MYT1L: variants seen among roughly 807,000 people sequenced by gnomAD.
The protein encoded by MYT1L is myelin transcription factor 1-like protein.
MYT1L carries 12 observed loss-of-function variants against 126.7 expected under a neutral mutation model. That is an observed-to-expected ratio of 0.09 (90% confidence interval 0.06 to 0.15). MYT1L has a LOEUF of 0.15. Ranked by LOEUF, MYT1L falls within the 10% of genes least tolerant of loss-of-function variation. MYT1L has a pLI of 1.00. For synonymous variants in MYT1L, 541 were observed against 604.2 expected (o/e 0.90, Z 1.53); for missense variants, 979 against 1,585.2 (o/e 0.62, Z 6.49).
chr2:2,033,486 G>A (rs1448799876), intron 4 of MYT1L, among the ~76,000 whole-genome samples: 1 of 152,214 alleles, frequency 6.6e-6, no homozygotes, highest in African/African-American at 2.4e-5. Context: ...CAACGAGGCA[G>A]AACTCAGGAT....
intron 19 of MYT1L, among the ~76,000 whole-genome samples, chr2:1,843,359 A>G (rs1203609919): frequency 6.6e-6 from 1 of 152,186 alleles, no homozygotes; most frequent in Non-Finnish European, 1.5e-5. Flanking sequence ...GGGTCATTCA[A>G]TGCATGAATG....
chr2:2,089,525 G>A (rs952637764), intron 3 of MYT1L, among the ~76,000 whole-genome samples: 4 of 152,200 alleles, frequency 2.6e-5, no homozygotes, highest in Non-Finnish European at 5.9e-5. Flanking sequence ...GATCTAGAGA[G>A]GACTTGGAAA....
chr2:2,230,578 C>T (rs902045199), intron 2 of MYT1L, among the ~76,000 whole-genome samples: 2 of 152,166 alleles, frequency 1.3e-5, no homozygotes, highest in Non-Finnish European at 2.9e-5. Flanking sequence ...AAGCTGCATG[C>T]CTGCAAGGTG....
intron 2 of MYT1L, among the ~76,000 whole-genome samples, chr2:2,263,065 A>G (rs1027386899): frequency 1.3e-5 from 2 of 150,284 alleles, no homozygotes; most frequent in Non-Finnish European, 3.0e-5. Context: ...CAAAATTTCC[A>G]GATATAAAAC....
chr2:1,796,535 T>C (rs1209318924), intron 23 of MYT1L, among the ~76,000 whole-genome samples: 1 of 152,216 alleles, frequency 6.6e-6, no homozygotes, highest in Non-Finnish European at 1.5e-5. Flanking sequence ...CTGTTCACTC[T>C]GGTCCATCTG....
chr2:2,223,949 A>G (rs975672163), intron 2 of MYT1L, among the ~76,000 whole-genome samples: 1 of 152,158 alleles, frequency 6.6e-6, no homozygotes, highest in Non-Finnish European at 1.5e-5. Flanking sequence ...GGAAACGCAA[A>G]TTCAAACTGC....
At chr2:2,223,588 T>C (rs1395823437) in intron 2 of MYT1L, among the ~76,000 whole-genome samples, 1 of 152,198 alleles carries the variant, frequency 6.6e-6, no homozygotes, top group African/African-American at 2.4e-5. Context: ...TGCAGGGAAA[T>C]TTAATTTTTG....
intron 3 of MYT1L, among the ~76,000 whole-genome samples, chr2:2,101,132 T>G (rs2078017553): frequency 6.6e-6 from 1 of 152,214 alleles, no homozygotes; most frequent in African/African-American, 2.4e-5. Flanking sequence ...TAAATTTGAT[T>G]GATTTTTATA....
At chr2:2,124,828 A>G (rs2081481313) in intron 3 of MYT1L, among the ~76,000 whole-genome samples, 1 of 152,158 alleles carries the variant, frequency 6.6e-6, no homozygotes, top group Admixed American at 6.5e-5. Flanking sequence ...AGGCACAGAC[A>G]TGTCCACCTG....
intron 3 of MYT1L, among the ~76,000 whole-genome samples, chr2:2,060,685 CCCT>C (rs1162222581): frequency 7.8e-6 from 1 of 127,546 alleles, no homozygotes; most frequent in Non-Finnish European, 1.6e-5. Flanking sequence ...CCCTCCCCTC[CCCT>C]CCTCTCTGCC....
chr2:2,274,390 G>A (rs2095321190), intron 2 of MYT1L, among the ~76,000 whole-genome samples: 2 of 152,020 alleles, frequency 1.3e-5, no homozygotes, highest in African/African-American at 2.4e-5. Context: ...GAGGACAGTG[G>A]GCAGGTGGGT....
At chr2:1,903,433 T>A (rs2148961525) in intron 13 of MYT1L, 139 bp from the exon 14 acceptor site, 1 of 685,284 alleles carries the variant, frequency 1.5e-6, no homozygotes, top group Non-Finnish European at 2.4e-6. Context: ...TACAACTTTT[T>A]TATTTTCTGA....
rs1260849009 is a variant in MYT1L, at chr2:1,852,334, G to A, written c.2712-631C>T. The stretch of plus-strand genomic sequence containing the variant: ...AATAGTTGTTACTCTTGAGCGACAT[G>A]AAGAACATAAATCAGTTCAGATCCA... On this transcript the variant is annotated intron_variant, in intron 18 of 24. Transcript: ENST00000647738. The surrounding 1 kb of genome is among the most constrained non-coding windows in gnomAD (Gnocchi z 4.0). Among the ~76,000 whole-genome samples, 1 of 152,208 alleles carries A rather than the reference G, an allele frequency of 6.6e-6. No individual in the cohort carries two copies. Among genetic ancestry groups the A allele is most frequent in the Non-Finnish European group, 1.5e-5 (1 of 68,050 alleles).
At chr2:2,094,220 T>C (rs1575120114) in intron 3 of MYT1L, among the ~76,000 whole-genome samples, 2 of 152,304 alleles carry the variant, frequency 1.3e-5, no homozygotes, top group South Asian at 4.1e-4. Flanking sequence ...CACTATGAGA[T>C]ACTATCTCAC....
At chr2:1,976,110 T>A (rs1461964772) in intron 8 of MYT1L, among the ~76,000 whole-genome samples, 1 of 115,222 alleles carries the variant, frequency 8.7e-6, no homozygotes. Flanking sequence ...ACATTTATTG[T>A]TAAAAGACCA....
At chr2:1,805,532 G>A (rs1475308120) in intron 22 of MYT1L, among the ~76,000 whole-genome samples, 4 of 152,186 alleles carry the variant, frequency 2.6e-5, no homozygotes, top group African/African-American at 9.7e-5. Flanking sequence ...TGGGCAGATC[G>A]CTTGAGCTCA....
chr2:1,946,616 G>A (rs1009349802), intron 8 of MYT1L, among the ~76,000 whole-genome samples: 9 of 151,994 alleles, frequency 5.9e-5, no homozygotes, highest in Admixed American at 1.3e-4. Context: ...AGGGTGAAAC[G>A]TTATCATCCC....
intron 1 of MYT1L, among the ~76,000 whole-genome samples, chr2:2,328,924 T>C (rs1345150971): frequency 6.6e-6 from 1 of 152,202 alleles, no homozygotes; most frequent in African/African-American, 2.4e-5. Context: ...AATGTGACCA[T>C]GAAGGCTTCT....
chr2:1,802,610 G>A (rs533367920), intron 22 of MYT1L, among the ~76,000 whole-genome samples: 13 of 152,206 alleles, frequency 8.5e-5, no homozygotes, highest in Non-Finnish European at 1.8e-4. Flanking sequence ...GGTCCCTGGG[G>A]CACCTGGATC....
Sources: gnomAD v4.1 joint callset for allele counts (sites outside exome capture counted in the v4.1 genomes callset) on GRCh38, gnomAD v4.1.1 for gene constraint, Gnocchi (gnomAD v3.1) non-coding constraint, MANE v1.5 for transcripts, NCBI Gene and HGNC (gene_info 2026-07-23, HGNC 2026-07-21) for gene names.